Variants in DMXL1 observed in about 807,000 individuals in gnomAD.
DMXL1 encodes the protein dmX-like protein 1.
A neutral mutation model predicts 319.2 loss-of-function variants in DMXL1; 99 were observed. The observed-to-expected ratio is 0.31, with a 90% CI of 0.26 to 0.37. The LOEUF is 0.37. Ranked by LOEUF, DMXL1 falls within the 10% of genes least tolerant of loss-of-function variation. The pLI, the probability that DMXL1 is intolerant of heterozygous loss-of-function variation, is 1.00. For synonymous variants in DMXL1, 1,385 were observed against 1,235.2 expected (o/e 1.12, Z -2.54); for missense variants, 3,745 against 3,595.6 (o/e 1.04, Z -1.06).
rs749946584 is a variant in DMXL1, at chr5:119,164,694, G to A, written c.4872+18G>A. Reference sequence around the variant, plus strand: ...TAGAAAAAGTAAGTGTTTTATTTTGGTGTATAAGTGAATTAATATTTTTTG... The same window carrying A: ...TAGAAAAAGTAAGTGTTTTATTTTGATGTATAAGTGAATTAATATTTTTTG... On this transcript the variant is annotated intron_variant, in intron 20 of 43. Transcript: ENST00000539542. 1.2e-5 allele frequency: 19 copies of A among 1,560,886 alleles called. No individual in the cohort carries two copies. Among genetic ancestry groups the A allele is most frequent in the African/African-American group, 4.1e-5 (3 of 73,752 alleles).
chr5:119,226,980 A>G (rs1426639468), intron 38 of DMXL1, among the ~76,000 whole-genome samples: 1 of 152,160 alleles, frequency 6.6e-6, no homozygotes, highest in Admixed American at 6.5e-5. Flanking sequence ...AGCTCATCAG[A>G]TCTCCTTGTT....
chr5:119,121,618 G>C (rs896507371), intron 9 of DMXL1, among the ~76,000 whole-genome samples: 1 of 152,138 alleles, frequency 6.6e-6, no homozygotes, highest in African/African-American at 2.4e-5. Flanking sequence ...AGATCAACAG[G>C]ATCCCAAGGC....
chr5:119,134,504 C>A, intron 13 of DMXL1, 115 bp downstream of exon 13: 1 of 925,580 alleles, frequency 1.1e-6, no homozygotes. Context: ...GCATTTGTAT[C>A]TTTGTTTTAT....
intron 34 of DMXL1, among the ~76,000 whole-genome samples, chr5:119,216,604 T>C (rs753466822): frequency 1.3e-5 from 2 of 152,202 alleles, no homozygotes; most frequent in African/African-American, 2.4e-5. Flanking sequence ...CTTTAATAAT[T>C]AGAATGTGTT....
At chr5:119,086,913 T>C (rs1025065579) in intron 1 of DMXL1, among the ~76,000 whole-genome samples, 3 of 152,182 alleles carry the variant, frequency 2.0e-5, no homozygotes, top group Non-Finnish European at 4.4e-5. Flanking sequence ...TTCTATTTCC[T>C]TATGGTTCAA....
intron 19 of DMXL1, among the ~76,000 whole-genome samples, chr5:119,162,474 C>T (rs761894545): frequency 2.6e-5 from 4 of 152,112 alleles, no homozygotes; most frequent in African/African-American, 7.2e-5. Context: ...GATCTCTGCT[C>T]CATAGTTGAC....
At chr5:119,113,449 G>T (rs1341575846) in intron 5 of DMXL1, among the ~76,000 whole-genome samples, 2 of 152,122 alleles carry the variant, frequency 1.3e-5, no homozygotes, top group Non-Finnish European at 2.9e-5. Context: ...CATCATGTTG[G>T]CCAGGCTGGT....
intron 1 of DMXL1, among the ~76,000 whole-genome samples, chr5:119,086,351 C>G (rs1373144071): frequency 2.0e-5 from 3 of 152,308 alleles, no homozygotes; most frequent in African/African-American, 7.2e-5. Flanking sequence ...CAGAGCCAAA[C>G]CATATCACAT....
At chr5:119,159,834 G>C (rs1771898436) in intron 19 of DMXL1, among the ~76,000 whole-genome samples, 1 of 152,190 alleles carries the variant, frequency 6.6e-6, no homozygotes, top group Non-Finnish European at 1.5e-5. Flanking sequence ...ATGTTGGCCA[G>C]GCTGGTCTCG....
chr5:119,122,707 G>A (rs1244925728), intron 9 of DMXL1, among the ~76,000 whole-genome samples: 1 of 151,930 alleles, frequency 6.6e-6, no homozygotes, highest in Non-Finnish European at 1.5e-5. Flanking sequence ...CCCAGACGGG[G>A]CGGCGGGGCA....
rs570477348 is a variant in DMXL1 at position 119,100,935 on chromosome 5, G to A, written c.214-1000G>A. ...GCTGGGACTACAGGCGCCTGCCATCGCCCGGCTAATTTTTTTTTGTATTTT... is the reference window on the plus strand; with the variant it reads ...GCTGGGACTACAGGCGCCTGCCATCACCCGGCTAATTTTTTTTTGTATTTT... On this transcript the variant is annotated intron_variant, in intron 2 of 43. Transcript: ENST00000539542. Among the ~76,000 whole-genome samples the A allele has an allele frequency of 2.0e-3, 266 of 131,238 alleles. 2 individuals are homozygous for A. Among genetic ancestry groups the A allele is most frequent in the Non-Finnish European group, 3.2e-3 (186 of 58,754 alleles). The allele number at this position is 131,238 out of a possible 152,430, so 86.1% of individuals were successfully genotyped here. A position where few individuals can be genotyped will look rare whatever the true frequency, so the allele number is the denominator to read the frequency against.
intron 39 of DMXL1, 108 bp downstream of exon 39, chr5:119,233,575 T>C: frequency 1.2e-6 from 1 of 801,568 alleles, no homozygotes; most frequent in South Asian, 1.7e-5. Context: ...TAGTAAAGTA[T>C]TGATCTATAT....
At chr5:119,164,094 A>AT (rs758912398) in intron 19 of DMXL1, among the ~76,000 whole-genome samples, 3,805 of 147,178 alleles carry the variant, frequency 0.026, 63 homozygotes, top group African/African-American at 0.037. Flanking sequence ...TGCTTGCTTG[A>AT]TGTTTTTTTT....
intron 1 of DMXL1, among the ~76,000 whole-genome samples, chr5:119,076,467 T>G (rs1750896419): frequency 6.6e-6 from 1 of 152,142 alleles, no homozygotes; most frequent in South Asian, 2.1e-4. Flanking sequence ...GGGCAAAGAT[T>G]GCTACTATTC....
chr5:119,224,650 C>G, intron 37 of DMXL1, 59 bp from the exon 38 acceptor site: 1 of 615,486 alleles, frequency 1.6e-6, no homozygotes, highest in East Asian at 3.1e-5. Flanking sequence ...TTTCCTGTCA[C>G]AATTTAAATG....
chr5:119,220,425 C>G (rs371429570), intron 35 of DMXL1, 47 bp from the exon 36 acceptor site: 15 of 1,588,100 alleles, frequency 9.4e-6, no homozygotes, highest in Non-Finnish European at 1.3e-5. Context: ...CATATACTAT[C>G]TCTTTTGCCT....
chr5:119,178,832 G>C (rs534372824), intron 28 of DMXL1: 1 of 178,766 alleles, frequency 5.6e-6, no homozygotes, highest in Admixed American at 6.5e-5. Flanking sequence ...CCATATTTTT[G>C]ATTTAAAACA....
intron 23 of DMXL1, among the ~76,000 whole-genome samples, chr5:119,169,074 T>G (rs1490524800): frequency 6.6e-6 from 1 of 151,998 alleles, no homozygotes; most frequent in Non-Finnish European, 1.5e-5. Context: ...GCTAATTTTT[T>G]TGTATTTTTG....
intron 35 of DMXL1, among the ~76,000 whole-genome samples, chr5:119,218,863 GT>G (rs1398506979): frequency 6.6e-6 from 1 of 151,962 alleles, no homozygotes; most frequent in Non-Finnish European, 1.5e-5. Context: ...TTTGCCATTT[GT>G]TTAGTTGGGA....
Sources: allele counts gnomAD v4.1 joint callset (sites outside exome capture counted in the v4.1 genomes callset), GRCh38; gene constraint gnomAD v4.1.1; transcripts MANE v1.5; gene names NCBI Gene and HGNC (gene_info 2026-07-23, HGNC 2026-07-21).